The following NFRKB variants were observed in gnomAD, a reference collection of about 807,000 sequenced individuals.
NFRKB encodes the protein nuclear factor related to kappaB binding protein.
A neutral mutation model predicts 135.7 loss-of-function variants in NFRKB; 62 were observed. That is an observed-to-expected ratio of 0.46 (90% CI 0.37 to 0.56). The LOEUF (loss-of-function observed/expected upper bound fraction) is 0.56. NFRKB is among the 20% of genes least tolerant of loss of function. The pLI is 0.00. For missense variants in NFRKB, 1,545 were observed against 1,662.0 expected, an observed-to-expected ratio of 0.93 and a Z score of 1.22; for synonymous variants, 678 against 635.6, an observed-to-expected ratio of 1.07 and a Z score of -1.00.
In NFRKB at chr11:129,878,544, C is replaced by T. The variant is rs751898675; in HGVS notation, c.1385-1G>A. 6.2e-7 allele frequency: 1 copy of T among 1,612,642 alleles called. No homozygotes were observed. Among genetic ancestry groups the T allele is most frequent in the Non-Finnish European group, 8.5e-7 (1 of 1,178,868 alleles). On this transcript the variant is annotated splice_acceptor_variant, in intron 13 of 26. Coordinates refer to ENST00000682444, the MANE Select transcript of NFRKB (RefSeq NM_001143835.2). LOFTEE classifies it high-confidence loss of function. ...TCCTTTTCATTATCTTGGGATTGGC[C>T]TATTAGAGGAATAAAGAGATAAAAA...
chr11:129,880,088 G>A (rs1948957883), intron 13 of NFRKB, among the ~76,000 whole-genome samples: 2 of 152,162 alleles, frequency 1.3e-5, no homozygotes, highest in African/African-American at 4.8e-5. Flanking sequence ...TCAGGAGTAG[G>A]AGGAGGCAGG....
At position 129,869,737 on chromosome 11, in the gene NFRKB, C is replaced by G. The variant is rs151053041; in HGVS notation, c.3288G>C (p.Val1096=). The G allele has an allele frequency of 6.2e-7, 1 of 1,614,126 alleles. No homozygotes were observed. Among genetic ancestry groups the G allele is most frequent in the African/African-American group, 1.3e-5 (1 of 74,940 alleles). The part of the protein sequence containing the change: ...ATIRIVQGLG[V]MPPKAGQTIT... Reference sequence around the variant, plus strand: ...TGGTCTGGCCTGCTTTGGGAGGCATCACTCCCAGTCCCTGCACGATGCGGA... The same window carrying G: ...TGGTCTGGCCTGCTTTGGGAGGCATGACTCCCAGTCCCTGCACGATGCGGA... Residue 1096 remains valine (V), a synonymous_variant, in exon 24 of 27, where the codon GTG becomes GTC. Coordinates refer to ENST00000682444, the MANE Select transcript of NFRKB (RefSeq NM_001143835.2).
chr11:129,876,721 C>G lies in NFRKB; in HGVS notation c.1747G>C (p.Val583Leu). Residue 583 changes from valine (V) to leucine (L), a missense_variant and splice_region_variant, in exon 17 of 27, where the codon GTT becomes CTT. Val to Leu is a conservative substitution (Grantham distance 32, BLOSUM62 1). Coordinates refer to ENST00000682444, the MANE Select transcript of NFRKB (RefSeq NM_001143835.2). ...CTGATAATCGACACGTGCCACCTACCAAGAGACAGAATGGTGACGTAGGCA... is the reference window on the plus strand; with the variant it reads ...CTGATAATCGACACGTGCCACCTACGAAGAGACAGAATGGTGACGTAGGCA... The part of the protein sequence containing the change: ...RPAYVTILSL[V>L]RDAAARLPNG... 1 of 1,611,858 alleles carries G rather than the reference C, an allele frequency of 6.2e-7. No homozygotes were observed. The highest frequency in any genetic ancestry group is 1.1e-5 in the South Asian group (1 of 90,824).
At chr11:129,871,467 C>T (rs937809354) in intron 23 of NFRKB, among the ~76,000 whole-genome samples, 1 of 152,152 alleles carries the variant, frequency 6.6e-6, no homozygotes, top group African/African-American at 2.4e-5. Context: ...CCCGACCACA[C>T]TTTTCTCTGT....
At chr11:129,867,087 A>G (rs1948228164) in intron 24 of NFRKB, among the ~76,000 whole-genome samples, 1 of 152,188 alleles carries the variant, frequency 6.6e-6, no homozygotes, top group African/African-American at 2.4e-5. Context: ...GCCTAGAATG[A>G]TCCCTTCAGG....
At position 129,876,851 on chromosome 11, in the gene NFRKB, G is replaced by A. The variant is rs769316365; in HGVS notation, c.1617C>T (p.Arg539=). ...CCACCACAGACTCAAAGCCGTGCAT[G>A]CGAAAGGTGAACGCCTTATGGGGTT... ...YSQPHKAFTF[R]MHGFESVVGP... is the part of the protein sequence containing the mutation. The change falls in exon 17 of 27, where the codon CGC becomes CGT. Residue 539 remains arginine (R), a synonymous_variant. Coordinates refer to ENST00000682444, the MANE Select transcript of NFRKB (RefSeq NM_001143835.2). 1.2e-6 allele frequency: 2 copies of A among 1,614,190 alleles called. No homozygotes were observed. The highest frequency in any genetic ancestry group is 3.3e-5 in the Admixed American group (2 of 60,026).
chr11:129,865,772 G>T, intron 25 of NFRKB, 105 bp downstream of exon 25: 1 of 886,094 alleles, frequency 1.1e-6, no homozygotes, highest in Non-Finnish European at 1.8e-6. Context: ...TCAAAGAAGG[G>T]CCCCAGAAAG....
chr11:129,878,086 C>T (rs532951729), intron 15 of NFRKB, among the ~76,000 whole-genome samples: 22 of 152,242 alleles, frequency 1.4e-4, no homozygotes, highest in African/African-American at 4.8e-4. Context: ...AGGTCATATG[C>T]CCCTTAGAGG....
chr11:129,875,039 A>T lies in NFRKB; in HGVS notation c.1855-123T>A. The T allele has an allele frequency of 2.4e-6, 3 of 1,252,016 alleles. No individual in the cohort carries two copies. The South Asian group carries it at 4.1e-5, about 17-fold the overall frequency. The allele number at this position is 1,252,016 out of a possible 1,614,324, so 77.6% of individuals were successfully genotyped here. A position where few individuals can be genotyped will look rare whatever the true frequency, so the allele number is the denominator to read the frequency against. Reference sequence around the variant, plus strand: ...GCTGATGCAGATTCTATCTCAGCCTAGCTGCGTATTCCCAATAGTTCCCCA... The same window carrying T: ...GCTGATGCAGATTCTATCTCAGCCTTGCTGCGTATTCCCAATAGTTCCCCA... On this transcript the variant is annotated intron_variant, in intron 18 of 26. Coordinates refer to ENST00000682444, the MANE Select transcript of NFRKB (RefSeq NM_001143835.2).
chr11:129,892,039 T>C (rs938806318), intron 3 of NFRKB, among the ~76,000 whole-genome samples: 1 of 145,536 alleles, frequency 6.9e-6, no homozygotes, highest in Non-Finnish European at 1.5e-5. Context: ...CCATAATTTC[T>C]TCCTTTTTTT....
At chr11:129,882,239 C>T (rs1324240752) in intron 10 of NFRKB, 45 bp from the exon 11 acceptor site, 1 of 1,535,356 alleles carries the variant, frequency 6.5e-7, no homozygotes, top group Admixed American at 2.0e-5. Flanking sequence ...ACCAAGAACA[C>T]ATCCCTAGAT....
rs777087266 is a variant in NFRKB, at chr11:129,876,852, C to A, written c.1616G>T (p.Arg539Leu). The A allele has an allele frequency of 6.8e-6, 11 of 1,614,128 alleles. No homozygotes were observed. The highest frequency in any genetic ancestry group is 9.3e-6 in the Non-Finnish European group (11 of 1,180,020). ...YSQPHKAFTF[R>L]MHGFESVVGP... is the part of the protein sequence containing the mutation. The stretch of plus-strand genomic sequence containing the variant: ...CACCACAGACTCAAAGCCGTGCATG[C>A]GAAAGGTGAACGCCTTATGGGGTTG... Residue 539 changes from arginine (R) to leucine (L), a missense_variant, in exon 17 of 27, where the codon CGC becomes CTC. Arg to Leu is a moderately radical substitution (Grantham distance 102). Transcript: ENST00000682444.
chr11:129,874,295 G>T lies in NFRKB; in HGVS notation c.2097C>A (p.Ser699Arg). ...TCTGGCTCTGCTCAGAAGGGCCACTGCTAAGGACCTTTATGGAGCTCTCCT... is the reference window on the plus strand; with the variant it reads ...TCTGGCTCTGCTCAGAAGGGCCACTTCTAAGGACCTTTATGGAGCTCTCCT... Reference protein sequence around the residue: ...SSKESSIKVLSSGPSEQSQMS... With the variant: ...SSKESSIKVLRSGPSEQSQMS... Residue 699 changes from serine to arginine, a missense_variant, in exon 21 of 27, where the codon AGC becomes AGA. This residue lies in a region of NFRKB where 753 missense variants were observed against 804.3 expected (regional missense o/e 0.94). Coordinates refer to ENST00000682444, the MANE Select transcript of NFRKB (RefSeq NM_001143835.2). This position sits in a 1 kb window ranked among gnomAD's most constrained non-coding sequence, Gnocchi z 4.5. 6 of 1,517,350 alleles carry T rather than the reference G, an allele frequency of 4.0e-6. No homozygotes were observed. The highest frequency in any genetic ancestry group is 5.3e-6 in the Non-Finnish European group (6 of 1,135,186). The allele number at this position is 1,517,350 out of a possible 1,614,324, so 94.0% of individuals were successfully genotyped here. A position where few individuals can be genotyped will look rare whatever the true frequency, so the allele number is the denominator to read the frequency against.
chr11:129,888,288 T>G lies in NFRKB; in HGVS notation c.337+306A>C, dbSNP rs561227372. Reference sequence around the variant, plus strand: ...AATGGCAAGCTCTTTTTAAAATTTTTTAAAGACCAGACATGAAGGGCACCT... The same window carrying G: ...AATGGCAAGCTCTTTTTAAAATTTTGTAAAGACCAGACATGAAGGGCACCT... On this transcript the variant is annotated intron_variant, in intron 4 of 26. Transcript: ENST00000682444. The G allele has an allele frequency of 6.9e-4, 407 of 592,420 alleles. 1 individual carries two copies. The highest frequency in any genetic ancestry group is 9.4e-4 in the Non-Finnish European group (314 of 335,394). 36.7% of individuals were successfully genotyped at this position (592,420 alleles called of 1,614,324 possible).
Position 129,869,932 on chromosome 11 carries a change from G to A in NFRKB, c.3093C>T (p.Ala1031=). The stretch of plus-strand genomic sequence containing the variant: ...TGGTACCTGTTGGAGTGGATGAAGG[G>A]GCACTGGCTGAACTGGCCTTGGCAG... ...DSPAKASSAS[A]PSSTPTGTTV... Residue 1031 remains alanine, a synonymous_variant, in exon 24 of 27, where the codon GCC becomes GCT. Transcript: ENST00000682444. 2 of 1,614,246 alleles carry A rather than the reference G, an allele frequency of 1.2e-6. No individual in the cohort carries two copies.
At chr11:129,885,789 A>C (rs1444004139) in intron 5 of NFRKB, among the ~76,000 whole-genome samples, 180 bp from the exon 6 acceptor site, 1 of 152,264 alleles carries the variant, frequency 6.6e-6, no homozygotes. Context: ...GATTACATGA[A>C]AAATCCCAAA....
At chr11:129,888,364 T>C in intron 4 of NFRKB, 1 of 673,226 alleles carries the variant, frequency 1.5e-6, no homozygotes, top group Non-Finnish European at 2.7e-6. Context: ...GGTTACAAGC[T>C]GATGCTGGTT....
Position 129,882,513 on chromosome 11 carries a change from A to G in NFRKB, c.1020T>C (p.Thr340=), listed in dbSNP as rs1013442648. ...AEDLAEPLSS[T]EGVAPLSQAP... ...CCTGTGAGAGAGGTGCGACCCCTTC[A>G]GTACTGCTTAGCGGCTCGGCCAGGT... Residue 340 remains threonine, a synonymous_variant, in exon 10 of 27, where the codon ACT becomes ACC. Coordinates refer to ENST00000682444, the MANE Select transcript of NFRKB (RefSeq NM_001143835.2). The G allele has an allele frequency of 2.5e-6, 4 of 1,613,954 alleles. 1 individual carries two copies. Among genetic ancestry groups the G allele is most frequent in the African/African-American group, 2.7e-5 (2 of 74,930 alleles).
chr11:129,889,951 C>CGCGTGTGTGTGT (rs1555094210), intron 3 of NFRKB, among the ~76,000 whole-genome samples: 2 of 135,286 alleles, frequency 1.5e-5, no homozygotes, highest in African/African-American at 5.6e-5. Flanking sequence ...TATTGTCTTA[C>CGCGTGTGTGTGT]GTGTGTGTGT....
Sources: allele counts gnomAD v4.1 joint callset (sites outside exome capture counted in the v4.1 genomes callset), GRCh38; gene constraint gnomAD v4.1.1; regional missense constraint gnomAD v4.1.1; non-coding constraint Gnocchi (gnomAD v3.1); transcripts MANE v1.5; gene names NCBI Gene and HGNC (gene_info 2026-07-23, HGNC 2026-07-21).